The following ENTREP2 variants were observed in gnomAD, a reference collection of about 807,000 sequenced individuals.
The protein encoded by ENTREP2 is protein ENTREP2.
At chr15:29,515,424 G>A in the ENTREP2 span, among the ~76,000 whole-genome samples, 1 of 152,202 alleles carries the variant, frequency 6.6e-6, no homozygotes, top group South Asian at 2.1e-4. Flanking sequence ...ATCGGATGAT[G>A]ACCACCTGCA....
chr15:29,566,678 A>G, the ENTREP2 span, among the ~76,000 whole-genome samples: 2 of 152,054 alleles, frequency 1.3e-5, no homozygotes, highest in African/African-American at 4.8e-5. Context: ...GCTGGTCTCC[A>G]ACTCCTGACT....
chr15:29,436,283 C>G, the ENTREP2 span, among the ~76,000 whole-genome samples: 1 of 152,170 alleles, frequency 6.6e-6, no homozygotes, highest in Non-Finnish European at 1.5e-5. Flanking sequence ...TCCATTAGGT[C>G]TCGTCTACCT....
the ENTREP2 span, among the ~76,000 whole-genome samples, chr15:29,453,135 C>T: frequency 6.6e-6 from 1 of 152,098 alleles, no homozygotes; most frequent in Non-Finnish European, 1.5e-5. Flanking sequence ...GTTTAGTGGC[C>T]TGCCAATGCC....
chr15:29,255,493 T>C, the ENTREP2 span, among the ~76,000 whole-genome samples: 5 of 152,088 alleles, frequency 3.3e-5, no homozygotes, highest in Admixed American at 6.6e-5. Context: ...AGAACGACCA[T>C]TCGACCCAGC....
chr15:29,141,474 G>C, the ENTREP2 span, among the ~76,000 whole-genome samples: 1 of 152,210 alleles, frequency 6.6e-6, no homozygotes, highest in South Asian at 2.1e-4. Context: ...GGCAGGGCAG[G>C]CATCAGGGGT....
At chr15:29,500,752 T>C in the ENTREP2 span, among the ~76,000 whole-genome samples, 13 of 151,876 alleles carry the variant, frequency 8.6e-5, no homozygotes, top group Non-Finnish European at 1.3e-4. Context: ...AAAAAGAGAT[T>C]GGAGCCAAAC....
chr15:29,542,474 A>AC, the ENTREP2 span, among the ~76,000 whole-genome samples: 14 of 146,248 alleles, frequency 9.6e-5, no homozygotes, highest in Non-Finnish European at 1.8e-4. Flanking sequence ...AATTTGTTGT[A>AC]TTTTTTTTTT....
the ENTREP2 span, among the ~76,000 whole-genome samples, chr15:29,576,665 G>A: frequency 2.0e-5 from 3 of 152,138 alleles, no homozygotes; most frequent in Admixed American, 6.5e-5. Context: ...AAAATGACTT[G>A]AATAGACATT....
the ENTREP2 span, among the ~76,000 whole-genome samples, chr15:29,148,814 G>A: frequency 0.34 from 50,907 of 151,840 alleles, 9,303 homozygotes; most frequent in African/African-American, 0.48. Flanking sequence ...TTTTTAAAGT[G>A]GGGCTAGAGC....
At chr15:29,599,946 T>C in the ENTREP2 span, among the ~76,000 whole-genome samples, 1 of 71,180 alleles carries the variant, frequency 1.4e-5, no homozygotes, top group African/African-American at 3.4e-5. Flanking sequence ...TGTCTCTATG[T>C]TTTTTTTATT....
the ENTREP2 span, among the ~76,000 whole-genome samples, chr15:29,309,829 T>C: frequency 6.7e-6 from 1 of 150,094 alleles, no homozygotes; most frequent in South Asian, 2.1e-4. Flanking sequence ...GCCTATCCCA[T>C]AGGACGACTG....
the ENTREP2 span, among the ~76,000 whole-genome samples, chr15:29,524,630 G>A: frequency 6.6e-5 from 10 of 152,320 alleles, no homozygotes; most frequent in African/African-American, 2.2e-4. Context: ...GCACTCAGCC[G>A]TGCAGGAACA....
At chr15:29,338,981 A>G in the ENTREP2 span, among the ~76,000 whole-genome samples, 6 of 152,184 alleles carry the variant, frequency 3.9e-5, no homozygotes, top group African/African-American at 1.4e-4. Context: ...ATCAGGGACC[A>G]GGGAACACTT....
chr15:29,661,978 A>T, the ENTREP2 span, among the ~76,000 whole-genome samples: 1 of 152,176 alleles, frequency 6.6e-6, no homozygotes, highest in Non-Finnish European at 1.5e-5. Flanking sequence ...TGGGAGGCCG[A>T]GGCAGGCAGA....
chr15:29,451,734 C>A, the ENTREP2 span, among the ~76,000 whole-genome samples: 1 of 152,188 alleles, frequency 6.6e-6, no homozygotes, highest in African/African-American at 2.4e-5. Context: ...GGGGCCACCA[C>A]TCCTATCACA....
At chr15:29,353,884 T>C in the ENTREP2 span, among the ~76,000 whole-genome samples, 1 of 152,186 alleles carries the variant, frequency 6.6e-6, no homozygotes, top group Non-Finnish European at 1.5e-5. Context: ...AAATAGAGTC[T>C]GTACCCTTAA....
chr15:29,269,771 G>T, the ENTREP2 span: 11 of 1,380,676 alleles, frequency 8.0e-6, no homozygotes, highest in South Asian at 4.9e-5. Context: ...ATTGCGGGTC[G>T]GCGACCCGCT....
chr15:29,432,941 C>T, the ENTREP2 span, among the ~76,000 whole-genome samples: 4,395 of 152,320 alleles, frequency 0.029, 226 homozygotes, highest in African/African-American at 0.1. Flanking sequence ...CACCTATTCT[C>T]TACCTGCTCA....
chr15:29,218,214 T>G, the ENTREP2 span, among the ~76,000 whole-genome samples: 1 of 152,192 alleles, frequency 6.6e-6, no homozygotes, highest in Admixed American at 6.5e-5. Context: ...TCTATTTTTG[T>G]GCTGGTTGGC....
Sources: gnomAD v4.1 joint callset for allele counts (sites outside exome capture counted in the v4.1 genomes callset) on GRCh38, gnomAD v4.1.1 for gene constraint, MANE v1.5 for transcripts, NCBI Gene and HGNC (gene_info 2026-07-23, HGNC 2026-07-21) for gene names.